Variants in TMEM233 observed in about 807,000 individuals in gnomAD.
TMEM233 encodes the protein transmembrane protein 233.
Under a neutral mutation model 11.2 loss-of-function variants are expected in TMEM233, and 6 were observed. The observed-to-expected ratio is 0.54, with a 90% CI of 0.29 to 1.06. The LOEUF (loss-of-function observed/expected upper bound fraction) is 1.06. TMEM233 is among the 50% of genes least tolerant of loss of function. TMEM233 has a pLI of 0.08. For missense variants in TMEM233, 127 were observed against 144.7 expected (o/e 0.88, Z 0.63); for synonymous variants, 59 against 55.8 (o/e 1.06, Z -0.26).
At chr12:119,644,091 A>G (rs994783519), downstream of TMEM233, among the ~76,000 whole-genome samples, 2 of 152,210 alleles carry the variant, frequency 1.3e-5, no homozygotes, top group Non-Finnish European at 2.9e-5. Flanking sequence ...TCAATTCAAT[A>G]TAATGAACAA....
At chr12:119,643,683 G>T (rs769498674), downstream of TMEM233, among the ~76,000 whole-genome samples, 135 of 151,934 alleles carry the variant, frequency 8.9e-4, no homozygotes, top group Non-Finnish European at 8.1e-4. Context: ...CAGGAGAATC[G>T]CTTGAATCCG....
downstream of TMEM233, among the ~76,000 whole-genome samples, chr12:119,645,919 G>C (rs1221705464): frequency 6.6e-6 from 1 of 152,088 alleles, no homozygotes; most frequent in Non-Finnish European, 1.5e-5. Flanking sequence ...AGTATTGGGA[G>C]GAACTCATAA....
In TMEM233 at chr12:119,594,967, C is replaced by G. The variant is rs1252950401; in HGVS notation, c.186+933C>G. ...CGCCCGGGGCTCTCCCGGGAATGAA[C>G]TAGGGGATTCCACGCAACGTGCGGC... On this transcript the variant is annotated intron_variant, in intron 1 of 2. Transcript: ENST00000426426. The surrounding 1 kb of genome is among the most constrained non-coding windows in gnomAD (Gnocchi z 5.6). Among the ~76,000 whole-genome samples the G allele has an allele frequency of 1.3e-5, 2 of 152,214 alleles. No individual in the cohort carries two copies. The highest frequency in any genetic ancestry group is 2.9e-5 in the Non-Finnish European group (2 of 68,034).
At chr12:119,635,482 T>C (rs1354211083) in intron 2 of TMEM233, among the ~76,000 whole-genome samples, 1 of 152,208 alleles carries the variant, frequency 6.6e-6, no homozygotes, top group Non-Finnish European at 1.5e-5. Context: ...AGATAAAAGA[T>C]AAACAGTTTT....
At chr12:119,646,900 G>A (rs1955160157), downstream of TMEM233, among the ~76,000 whole-genome samples, 1 of 152,056 alleles carries the variant, frequency 6.6e-6, no homozygotes, top group Non-Finnish European at 1.5e-5. Flanking sequence ...ATATCTTTTG[G>A]CGAGCATTAT....
chr12:119,605,828 T>C (rs2136690811), intron 1 of TMEM233, among the ~76,000 whole-genome samples: 1 of 152,268 alleles, frequency 6.6e-6, no homozygotes. Context: ...TACAATACTC[T>C]CAATCAAGCC....
chr12:119,595,118 G>A lies in TMEM233; in HGVS notation c.186+1084G>A, dbSNP rs757574611. ...CTCTTCAACCCTGGTAGGAACACCC[G>A]AGCGAACCCCACCAGGAGGGCGACG... On this transcript the variant is annotated intron_variant, in intron 1 of 2. Transcript: ENST00000426426. The surrounding 1 kb of genome is among the most constrained non-coding windows in gnomAD (Gnocchi z 4.3). Among the ~76,000 whole-genome samples the A allele has an allele frequency of 6.6e-6, 1 of 152,190 alleles. No homozygotes were observed. Among genetic ancestry groups the A allele is most frequent in the African/African-American group, 2.4e-5 (1 of 41,452 alleles).
chr12:119,634,905 G>A (rs1356577235), intron 2 of TMEM233, among the ~76,000 whole-genome samples: 2 of 152,130 alleles, frequency 1.3e-5, no homozygotes, highest in South Asian at 2.1e-4. Context: ...GAAACACGGG[G>A]TTTCATGACA....
rs1397639214 is a variant in TMEM233 at position 119,599,816 on chromosome 12, AT to A, written c.186+5784del. Among the ~76,000 whole-genome samples, 5 of 152,272 alleles carry A rather than the reference AT, an allele frequency of 3.3e-5. No individual in the cohort carries two copies. In the Middle Eastern group the frequency reaches 0.014, roughly 414 times the overall value. ...ACTTCCTCACCAACTCAGACAGAAG[AT>A]TAGAGATTTTCTCTCTGGTAAGATT... On this transcript the variant is annotated intron_variant, in intron 1 of 2. Coordinates refer to ENST00000426426, the MANE Select transcript of TMEM233 (RefSeq NM_001136534.3).
rs1002605741 is a variant in TMEM233 at position 119,631,766 on chromosome 12, A to G, written c.323+1894A>G. On this transcript the variant is annotated intron_variant, in intron 2 of 2. Coordinates refer to ENST00000426426, the MANE Select transcript of TMEM233 (RefSeq NM_001136534.3). The stretch of plus-strand genomic sequence containing the variant: ...TGAGACCTTCAGCCAATTGTTTAAC[A>G]TTCCTGAACCTCAGTTTCCTCACCT... 30 of 545,488 alleles carry G rather than the reference A, an allele frequency of 5.5e-5. No homozygotes were observed. In the African/African-American group the frequency reaches 5.7e-4, roughly 10 times the overall value. 33.8% of individuals were successfully genotyped at this position (545,488 alleles called of 1,614,324 possible).
intron 1 of TMEM233, among the ~76,000 whole-genome samples, chr12:119,607,521 C>A (rs1045544863): frequency 6.6e-6 from 1 of 151,912 alleles, no homozygotes; most frequent in African/African-American, 2.4e-5. Flanking sequence ...AGTATGTAGA[C>A]CTCATTTCTA....
At chr12:119,627,393 T>C (rs1247622855) in intron 1 of TMEM233, among the ~76,000 whole-genome samples, 2 of 152,234 alleles carry the variant, frequency 1.3e-5, no homozygotes, top group Non-Finnish European at 2.9e-5. Flanking sequence ...GAATGATTTA[T>C]AAAGAAAGGA....
At chr12:119,634,188 A>C in intron 2 of TMEM233, 1 of 965,614 alleles carries the variant, frequency 1.0e-6, no homozygotes, top group Non-Finnish European at 1.2e-6. Flanking sequence ...AGGTCTACCC[A>C]CAGGGAGCCT....
downstream of TMEM233, among the ~76,000 whole-genome samples, chr12:119,644,335 T>TA (rs1193879862): frequency 2.6e-5 from 4 of 151,996 alleles, no homozygotes; most frequent in Non-Finnish European, 5.9e-5. Flanking sequence ...AAAGTACTCT[T>TA]ACCAGAAGAA....
chr12:119,633,504 T>A (rs1954924293), intron 2 of TMEM233, among the ~76,000 whole-genome samples: 1 of 152,114 alleles, frequency 6.6e-6, no homozygotes, highest in South Asian at 2.1e-4. Flanking sequence ...GGAGGATCAC[T>A]TGAGTCCAGG....
At chr12:119,613,408 A>G (rs1954451230) in intron 1 of TMEM233, among the ~76,000 whole-genome samples, 1 of 152,184 alleles carries the variant, frequency 6.6e-6, no homozygotes, top group South Asian at 2.1e-4. Context: ...CAAACACTCA[A>G]AAGTCAACAG....
intron 1 of TMEM233, among the ~76,000 whole-genome samples, chr12:119,627,145 G>A (rs560599400): frequency 7.9e-5 from 12 of 152,356 alleles, no homozygotes; most frequent in Middle Eastern, 3.4e-3. Flanking sequence ...AATGACAGCC[G>A]TGGCTTGGGC....
intron 1 of TMEM233, among the ~76,000 whole-genome samples, chr12:119,599,953 A>G (rs1464587758): frequency 6.6e-6 from 1 of 152,156 alleles, no homozygotes; most frequent in Non-Finnish European, 1.5e-5. Flanking sequence ...TCCTTCCCCA[A>G]CTTGGTTTCC....
chr12:119,649,224 G>C, the TMEM233 span, among the ~76,000 whole-genome samples: 2 of 152,166 alleles, frequency 1.3e-5, no homozygotes, highest in Admixed American at 1.3e-4. Context: ...CCTGAACCCA[G>C]GTGGCGGAGG....
Sources: gnomAD v4.1 joint callset for allele counts (sites outside exome capture counted in the v4.1 genomes callset) on GRCh38, gnomAD v4.1.1 for gene constraint, Gnocchi (gnomAD v3.1) non-coding constraint, MANE v1.5 for transcripts, NCBI Gene and HGNC (gene_info 2026-07-23, HGNC 2026-07-21) for gene names.